PCDH12: variants seen among roughly 807,000 people sequenced by gnomAD.
PCDH12 encodes protocadherin 12, also known as protocadherin-12.
A neutral mutation model predicts 70.9 loss-of-function variants in PCDH12; 45 were observed. The ratio of observed to expected loss-of-function variants is 0.63; its 90% confidence interval spans 0.50 to 0.81. The LOEUF (loss-of-function observed/expected upper bound fraction) is 0.81, where lower values mean the gene tolerates loss of function less well. Among genes scored for constraint, PCDH12 ranks in the 40% least tolerant of loss-of-function variants. PCDH12 has a pLI of 0.00. For synonymous variants in PCDH12, 567 were observed against 626.0 expected, an observed-to-expected ratio of 0.91 and a Z score of 1.41; for missense variants, 1,370 against 1,491.7, an observed-to-expected ratio of 0.92 and a Z score of 1.34.
rs1228783025 is a variant in PCDH12, at chr5:141,956,727, A to G, written c.1125T>C (p.Leu375=). The change falls in exon 1 of 4, where the codon CTT becomes CTC. Residue 375 remains leucine, a synonymous_variant. Coordinates refer to ENST00000231484, the MANE Select transcript of PCDH12 (RefSeq NM_016580.4). The stretch of plus-strand genomic sequence containing the variant: ...CTGAATCCAAGTCATCTGCCATGAC[A>G]AGAGCAATAAAACTGTCCTTGGGAA... ...EALPKDSFIA[L]VMADDLDSGH... The G allele has an allele frequency of 3.7e-6, 6 of 1,614,108 alleles. No homozygotes were observed. The highest frequency in any genetic ancestry group is 5.1e-6 in the Non-Finnish European group (6 of 1,180,020).
At position 141,945,823 on chromosome 5, in the gene PCDH12, G is replaced by A. The variant is rs769100005; in HGVS notation, c.3131-18C>T. On this transcript the variant is annotated intron_variant, in intron 3 of 3. Coordinates refer to ENST00000231484, the MANE Select transcript of PCDH12 (RefSeq NM_016580.4). Reference sequence around the variant, plus strand: ...GGCCAGACCTGTGGGGGAAGGAGGGGACACAGTGAGGGCCAGGCTCCGGGA... The same window carrying A: ...GGCCAGACCTGTGGGGGAAGGAGGGAACACAGTGAGGGCCAGGCTCCGGGA... The A allele has an allele frequency of 3.7e-6, 6 of 1,603,188 alleles. No individual in the cohort carries two copies. The highest frequency in any genetic ancestry group is 3.4e-5 in the Admixed American group (2 of 59,636).
chr5:141,949,955 G>T (rs1182947589), intron 2 of PCDH12, among the ~76,000 whole-genome samples: 1 of 152,200 alleles, frequency 6.6e-6, no homozygotes, highest in South Asian at 2.1e-4. Context: ...CACACAGGAG[G>T]AGTTTAGTAA....
At chr5:141,947,178 G>C (rs1475435312) in intron 3 of PCDH12, among the ~76,000 whole-genome samples, 1 of 152,232 alleles carries the variant, frequency 6.6e-6, no homozygotes, top group Admixed American at 6.5e-5. Flanking sequence ...CCTGCATTCT[G>C]GACTGTGCAG....
chr5:141,947,927 C>G (rs1752981304), intron 3 of PCDH12, among the ~76,000 whole-genome samples: 1 of 152,196 alleles, frequency 6.6e-6, no homozygotes, highest in South Asian at 2.1e-4. Context: ...GGAACTGACC[C>G]CACAGGTTCC....
rs750172243 is a variant in PCDH12, at chr5:141,955,296, A to C, written c.2556T>G (p.His852Gln). Residue 852 changes from histidine (H) to glutamine (Q), a missense_variant, in exon 1 of 4, where the codon CAT becomes CAG. By Grantham distance (24) the His-to-Gln change is conservative. Coordinates refer to ENST00000231484, the MANE Select transcript of PCDH12 (RefSeq NM_016580.4). The surrounding 1 kb of genome is among the most constrained non-coding windows in gnomAD (Gnocchi z 5.5). ...LQDTVNLLFN[H>Q]PRQRNASREN... is the part of the protein sequence containing the mutation. The stretch of plus-strand genomic sequence containing the variant: ...CCCGGGAGGCATTCCTCTGCCTGGG[A>C]TGGTTGAAAAGGAGGTTGACCGTGT... 6.2e-7 allele frequency: 1 copy of C among 1,613,964 alleles called. No individual in the cohort carries two copies. The highest frequency in any genetic ancestry group is 1.1e-5 in the South Asian group (1 of 91,066).
At chr5:141,948,508 T>C (rs992783601) in intron 3 of PCDH12, among the ~76,000 whole-genome samples, 5 of 152,212 alleles carry the variant, frequency 3.3e-5, no homozygotes, top group Non-Finnish European at 7.3e-5. Context: ...AGCAGATTCT[T>C]GAATTCAAGT....
chr5:141,957,719 C>G lies in PCDH12; in HGVS notation c.133G>C (p.Val45Leu). The G allele has an allele frequency of 6.2e-7, 1 of 1,614,140 alleles. No homozygotes were observed. The highest frequency in any genetic ancestry group is 8.5e-7 in the Non-Finnish European group (1 of 1,180,042). ...QVSEEVPSGT[V>L]IGKLSQELGR... is the part of the protein sequence containing the mutation. The stretch of plus-strand genomic sequence containing the variant: ...AGTTCCTGGGACAGCTTCCCGATCA[C>G]TGTACCAGATGGCACTTCCTCTGAC... Residue 45 changes from valine to leucine, a missense_variant, in exon 1 of 4, where the codon GTG becomes CTG. By Grantham distance (32) the Val-to-Leu change is conservative (BLOSUM62 1). Transcript: ENST00000231484. This position sits in a 1 kb window ranked among gnomAD's most constrained non-coding sequence, Gnocchi z 4.3.
At position 141,957,731 on chromosome 5, in the gene PCDH12, G is replaced by T. The variant is rs1253410235; in HGVS notation, c.121C>A (p.Pro41Thr). 3 of 1,613,834 alleles carry T rather than the reference G, an allele frequency of 1.9e-6. No homozygotes were observed. The Admixed American group carries it at 5.0e-5, about 27-fold the overall frequency. ...AGCTTCCCGATCACTGTACCAGATG[G>T]CACTTCCTCTGACACTTGGTATTTC... ...TVKYQVSEEV[P>T]SGTVIGKLSQ... Residue 41 changes from proline (P) to threonine (T), a missense_variant, in exon 1 of 4, where the codon CCA becomes ACA. By Grantham distance (38) the Pro-to-Thr change is conservative (BLOSUM62 -1). Coordinates refer to ENST00000231484, the MANE Select transcript of PCDH12 (RefSeq NM_016580.4). The surrounding 1 kb of genome is among the most constrained non-coding windows in gnomAD (Gnocchi z 4.3).
Position 141,955,999 on chromosome 5 carries a change from A to C in PCDH12, c.1853T>G (p.Leu618Trp). The C allele has an allele frequency of 2.5e-6, 4 of 1,614,144 alleles. No homozygotes were observed. Among genetic ancestry groups the C allele is most frequent in the Non-Finnish European group, 3.4e-6 (4 of 1,180,028 alleles). The change falls in exon 1 of 4, where the codon TTG becomes TGG. Residue 618 changes from leucine to tryptophan, a missense_variant. By Grantham distance (61) the Leu-to-Trp change is moderately conservative (BLOSUM62 -2). Coordinates refer to ENST00000231484, the MANE Select transcript of PCDH12 (RefSeq NM_016580.4). The surrounding 1 kb of genome is among the most constrained non-coding windows in gnomAD (Gnocchi z 5.5). ...TGCATCTCTTGCCACAATGGTTGTC[A>C]AAAGGAATGGCCGGGAGCTGTGAGT... ...LATHSSRPFL[L>W]TTIVARDADS... is the part of the protein sequence containing the mutation.
Position 141,957,132 on chromosome 5 carries a change from A to C in PCDH12, c.720T>G (p.Asn240Lys). 6.2e-7 allele frequency: 1 copy of C among 1,614,154 alleles called. No individual in the cohort carries two copies. Among genetic ancestry groups the C allele is most frequent in the East Asian group, 2.2e-5 (1 of 44,874 alleles). Residue 240 changes from asparagine to lysine, a missense_variant, in exon 1 of 4, where the codon AAT becomes AAG. Transcript: ENST00000231484. The surrounding 1 kb of genome is among the most constrained non-coding windows in gnomAD (Gnocchi z 4.3). ...GTGAACTCTCAGCAAACGCAGGGCT[A>C]TTGTCATTGGAGTCCAAGACGTTGA... is the stretch of plus-strand genomic sequence containing the variant. ...VKVNVLDSNDNSPAFAESSLA... is the reference protein window; with the variant it reads ...VKVNVLDSNDKSPAFAESSLA...
At chr5:141,951,022 T>C (rs978218825) in intron 2 of PCDH12, among the ~76,000 whole-genome samples, 1 of 152,198 alleles carries the variant, frequency 6.6e-6, no homozygotes, top group Admixed American at 6.5e-5. Context: ...AGTTTCTCCA[T>C]CCGTAACAAG....
Position 141,957,518 on chromosome 5 carries a change from C to G in PCDH12, c.334G>C (p.Ala112Pro). Residue 112 changes from alanine to proline, a missense_variant, in exon 1 of 4, where the codon GCC becomes CCC. Transcript: ENST00000231484. This position sits in a 1 kb window ranked among gnomAD's most constrained non-coding sequence, Gnocchi z 4.3. The stretch of plus-strand genomic sequence containing the variant: ...TGGATCAGAGCCAAATCCCCTGTGG[C>G]AAGCACATCAAAGGAAACCAGGCAG... ...DPCLVSFDVL[A>P]TGDLALIHVE... The G allele has an allele frequency of 6.2e-7, 1 of 1,614,132 alleles. No homozygotes were observed. The highest frequency in any genetic ancestry group is 2.2e-5 in the East Asian group (1 of 44,878).
In PCDH12 at chr5:141,949,584, C is replaced by G; in HGVS notation, c.2979-1G>C. On this transcript the variant is annotated splice_acceptor_variant, in intron 2 of 3. Coordinates refer to ENST00000231484, the MANE Select transcript of PCDH12 (RefSeq NM_016580.4). LOFTEE classifies it high-confidence loss of function. ...GCCATCTGTGTCTGGGATTGCACTCCTGCAAAAGAAACCAACCAGTCCATG... is the reference window on the plus strand; with the variant it reads ...GCCATCTGTGTCTGGGATTGCACTCGTGCAAAAGAAACCAACCAGTCCATG... 1 of 1,612,784 alleles carries G rather than the reference C, an allele frequency of 6.2e-7. No individual in the cohort carries two copies. Among genetic ancestry groups the G allele is most frequent in the Non-Finnish European group, 8.5e-7 (1 of 1,179,486 alleles).
chr5:141,955,767 A>C lies in PCDH12; in HGVS notation c.2085T>G (p.Phe695Leu), dbSNP rs1278043683. ...LQTRALLRVM[F>L]VTSVDHLRDS... is the part of the protein sequence containing the mutation. The stretch of plus-strand genomic sequence containing the variant: ...CCCTCAGGTGGTCCACACTGGTGAC[A>C]AACATGACCCTCAACAGGGCTCGGG... Residue 695 changes from phenylalanine to leucine, a missense_variant, in exon 1 of 4, where the codon TTT becomes TTG. Physicochemically the swap from Phe to Leu is conservative, Grantham distance 22. Transcript: ENST00000231484. The surrounding 1 kb of genome is among the most constrained non-coding windows in gnomAD (Gnocchi z 5.5). 2 of 1,614,004 alleles carry C rather than the reference A, an allele frequency of 1.2e-6. No individual in the cohort carries two copies. Among genetic ancestry groups the C allele is most frequent in the East Asian group, 4.5e-5 (2 of 44,880 alleles).
intron 3 of PCDH12, among the ~76,000 whole-genome samples, chr5:141,946,425 C>T (rs1253784201): frequency 6.6e-6 from 1 of 152,198 alleles, no homozygotes; most frequent in African/African-American, 2.4e-5. Flanking sequence ...GGCAACCAAA[C>T]CTCAATTTGA....
chr5:141,956,698 T>C lies in PCDH12; in HGVS notation c.1154A>G (p.His385Arg). ...CAGCCAGCAGTGGACCAAACCATTG[T>C]GTCCTGAATCCAAGTCATCTGCCAT... ...LVMADDLDSG[H>R]NGLVHCWLSQ... Residue 385 changes from histidine (H) to arginine (R), a missense_variant, in exon 1 of 4, where the codon CAC becomes CGC. His to Arg is a conservative substitution (Grantham distance 29). Coordinates refer to ENST00000231484, the MANE Select transcript of PCDH12 (RefSeq NM_016580.4). 1 of 1,614,240 alleles carries C rather than the reference T, an allele frequency of 6.2e-7. No individual in the cohort carries two copies. Among genetic ancestry groups the C allele is most frequent in the Non-Finnish European group, 8.5e-7 (1 of 1,180,046 alleles).
At position 141,945,644 on chromosome 5, in the gene PCDH12, G is replaced by C. The variant is rs764165154; in HGVS notation, c.3292C>G (p.Leu1098Val). The C allele has an allele frequency of 6.2e-7, 1 of 1,614,236 alleles. No individual in the cohort carries two copies. The highest frequency in any genetic ancestry group is 1.1e-5 in the South Asian group (1 of 91,088). ...GCCAGCCTCGTGCCTGTTGGGCTCAGCTCTGGTGCCTCTGCCTTGCCGAAC... is the reference window on the plus strand; with the variant it reads ...GCCAGCCTCGTGCCTGTTGGGCTCACCTCTGGTGCCTCTGCCTTGCCGAAC... Reference protein sequence around the residue: ...QTFGKAEAPELSPTGTRLAST... With the variant: ...QTFGKAEAPEVSPTGTRLAST... The change falls in exon 4 of 4, where the codon CTG becomes GTG. Residue 1098 changes from leucine (L) to valine (V), a missense_variant. Leu to Val is a conservative substitution (Grantham distance 32). Transcript: ENST00000231484.
At position 141,945,633 on chromosome 5, in the gene PCDH12, T is replaced by C. The variant is rs1416995507; in HGVS notation, c.3303A>G (p.Thr1101=). The C allele has an allele frequency of 6.2e-7, 1 of 1,614,074 alleles. No homozygotes were observed. The highest frequency in any genetic ancestry group is 1.3e-5 in the African/African-American group (1 of 74,940). ...GKAEAPELSP[T]GTRLASTFVS... ...CAAAGGTGCTGGCCAGCCTCGTGCC[T>C]GTTGGGCTCAGCTCTGGTGCCTCTG... The change falls in exon 4 of 4, where the codon ACA becomes ACG. Residue 1101 remains threonine, a synonymous_variant. Coordinates refer to ENST00000231484, the MANE Select transcript of PCDH12 (RefSeq NM_016580.4).
chr5:141,957,534 A>G lies in PCDH12; in HGVS notation c.318T>C (p.Val106=). Residue 106 remains valine, a synonymous_variant, in exon 1 of 4, where the codon GTT becomes GTC. Transcript: ENST00000231484. The surrounding 1 kb of genome is among the most constrained non-coding windows in gnomAD (Gnocchi z 4.3). ...QLCRQWDPCL[V]SFDVLATGDL... is the part of the protein sequence containing the mutation. ...CCCCTGTGGCAAGCACATCAAAGGA[A>G]ACCAGGCAGGGATCCCACTGTCGGC... 1 of 1,614,208 alleles carries G rather than the reference A, an allele frequency of 6.2e-7. No individual in the cohort carries two copies.
Sources: gnomAD v4.1 joint callset for allele counts (sites outside exome capture counted in the v4.1 genomes callset) on GRCh38, gnomAD v4.1.1 for gene constraint, Gnocchi (gnomAD v3.1) non-coding constraint, MANE v1.5 for transcripts, NCBI Gene and HGNC (gene_info 2026-07-23, HGNC 2026-07-21) for gene names.